Variants in AJAP1 observed in about 807,000 individuals in gnomAD.
The protein encoded by AJAP1 is adherens junction-associated protein 1.
AJAP1 carries 5 observed loss-of-function variants against 35.0 expected under a neutral mutation model. That is an observed-to-expected ratio of 0.14 (90% confidence interval 0.07 to 0.30). The LOEUF (loss-of-function observed/expected upper bound fraction) is 0.30. AJAP1 is among the 10% of genes least tolerant of loss of function. The pLI, the probability that AJAP1 is intolerant of heterozygous loss-of-function variation, is 1.00. For missense variants in AJAP1, 586 were observed against 571.0 expected, an observed-to-expected ratio of 1.03 and a Z score of -0.27; for synonymous variants, 284 against 249.3, an observed-to-expected ratio of 1.14 and a Z score of -1.31.
intron 1 of AJAP1, among the ~76,000 whole-genome samples, chr1:4,702,182 C>T (rs534070570): frequency 8.9e-4 from 136 of 151,976 alleles, no homozygotes; most frequent in Non-Finnish European, 1.5e-3. Flanking sequence ...AATATTCCAG[C>T]GTGTCCCCAG....
At chr1:4,707,992 G>T (rs188553929) in intron 1 of AJAP1, among the ~76,000 whole-genome samples, 2 of 138,506 alleles carry the variant, frequency 1.4e-5, no homozygotes, top group African/African-American at 2.7e-5. Context: ...TTTTTGAGAC[G>T]CAGTCTCACT....
At position 4,712,439 on chromosome 1, in the gene AJAP1, A is replaced by T. The variant is rs1296095699; in HGVS notation, c.569A>T (p.Glu190Val). The change falls in exon 2 of 6, where the codon GAG becomes GTG. Residue 190 changes from glutamate to valine, a missense_variant. Transcript: ENST00000378191. Reference sequence around the variant, plus strand: ...GCCTGGGGGCCCACGGGGGACGAGGAGGCCCTGGAGTCCAACACATTTCCG... The same window carrying T: ...GCCTGGGGGCCCACGGGGGACGAGGTGGCCCTGGAGTCCAACACATTTCCG... Reference protein sequence around the residue: ...FIAWGPTGDEEALESNTFPGV... With the variant: ...FIAWGPTGDEVALESNTFPGV... The T allele has an allele frequency of 6.2e-7, 1 of 1,606,880 alleles. No homozygotes were observed. Among genetic ancestry groups the T allele is most frequent in the Non-Finnish European group, 8.5e-7 (1 of 1,176,884 alleles).
intron 2 of AJAP1, among the ~76,000 whole-genome samples, chr1:4,752,279 A>C (rs1390199090): frequency 6.6e-6 from 1 of 151,866 alleles, no homozygotes; most frequent in African/African-American, 2.4e-5. Flanking sequence ...GGAAAGAAAC[A>C]GTTGTTTGTG....
At chr1:4,725,253 G>A (rs904601038) in intron 2 of AJAP1, among the ~76,000 whole-genome samples, 1 of 152,194 alleles carries the variant, frequency 6.6e-6, no homozygotes, top group Non-Finnish European at 1.5e-5. Context: ...CCCTGGAATA[G>A]GCAGATGTGC....
chr1:4,679,807 G>A (rs953516588), intron 1 of AJAP1, among the ~76,000 whole-genome samples: 10 of 114,360 alleles, frequency 8.7e-5, no homozygotes, highest in Non-Finnish European at 1.6e-4. Context: ...AGAACCAATA[G>A]GGTGTGTGTG....
At chr1:4,735,773 T>C (rs568380501) in intron 2 of AJAP1, among the ~76,000 whole-genome samples, 52 of 152,288 alleles carry the variant, frequency 3.4e-4, no homozygotes, top group Non-Finnish European at 7.1e-4. Flanking sequence ...TGCCGCCTCC[T>C]CCGGGGTCCC....
intron 5 of AJAP1, among the ~76,000 whole-genome samples, chr1:4,779,583 C>T (rs1026641634): frequency 2.0e-5 from 3 of 152,024 alleles, no homozygotes; most frequent in Non-Finnish European, 2.9e-5. Context: ...GGAAAGCAGC[C>T]GGGGCCACAG....
At chr1:4,703,199 G>T (rs116923180) in intron 1 of AJAP1, among the ~76,000 whole-genome samples, 5 of 152,236 alleles carry the variant, frequency 3.3e-5, no homozygotes, top group African/African-American at 1.2e-4. Flanking sequence ...TGGGAATGCC[G>T]CGAAAGTGAT....
intron 1 of AJAP1, among the ~76,000 whole-genome samples, chr1:4,678,115 A>G (rs964774000): frequency 5.3e-5 from 8 of 152,168 alleles, no homozygotes; most frequent in African/African-American, 1.7e-4. Flanking sequence ...AGTGCTAGGG[A>G]CTGTGTTGAA....
intron 1 of AJAP1, among the ~76,000 whole-genome samples, chr1:4,664,074 A>G (rs77390929): frequency 0.1 from 15,471 of 152,054 alleles, 1,043 homozygotes; most frequent in South Asian, 0.22. Flanking sequence ...CTACATTGCT[A>G]TGGTAGGAGC....
chr1:4,729,766 G>T (rs986385753), intron 2 of AJAP1, among the ~76,000 whole-genome samples: 1 of 152,218 alleles, frequency 6.6e-6, no homozygotes, highest in Non-Finnish European at 1.5e-5. Flanking sequence ...GGTAGTGGAG[G>T]TTAGGACTTC....
rs116917100 is a variant in AJAP1, at chr1:4,788,299, G to C, written c.*5814G>C. ...GTGTGGTTTTGTGTGTCTAGGTTTA[G>C]AGCTTGTATTTGGATGTAAGGAGTG... is the stretch of plus-strand genomic sequence containing the variant. On this transcript the variant is annotated 3_prime_UTR_variant, in exon 6 of 6. Coordinates refer to ENST00000378191, the MANE Select transcript of AJAP1 (RefSeq NM_018836.4). The C allele has an allele frequency of 4.5e-3, 688 of 153,888 alleles. 55 individuals are homozygous for C. The South Asian group carries it at 0.13, about 28-fold the overall frequency. 9.5% of individuals were successfully genotyped at this position (153,888 alleles called of 1,614,324 possible). A position where few individuals can be genotyped will look rare whatever the true frequency, so the allele number is the denominator to read the frequency against.
At chr1:4,682,646 C>T (rs951723493) in intron 1 of AJAP1, among the ~76,000 whole-genome samples, 3 of 151,938 alleles carry the variant, frequency 2.0e-5, no homozygotes, top group Admixed American at 6.6e-5. Flanking sequence ...CTGAGCCCTT[C>T]GTAGGGTTTC....
chr1:4,744,581 A>C (rs1380742657), intron 2 of AJAP1, among the ~76,000 whole-genome samples: 1 of 151,612 alleles, frequency 6.6e-6, no homozygotes, highest in African/African-American at 2.4e-5. Context: ...TGCACACAAC[A>C]TGAAGGGGCA....
At chr1:4,689,708 C>CACGAGCT in intron 1 of AJAP1, among the ~76,000 whole-genome samples, 1 of 152,328 alleles carries the variant, frequency 6.6e-6, no homozygotes, top group East Asian at 1.9e-4. Flanking sequence ...TCATGAGCAT[C>CACGAGCT]CGGCATGAGC....
chr1:4,763,647 C>T (rs1217597439), intron 2 of AJAP1, among the ~76,000 whole-genome samples: 2 of 152,084 alleles, frequency 1.3e-5, no homozygotes, highest in African/African-American at 4.8e-5. Flanking sequence ...GGGCAGTATC[C>T]AATCTGTTGA....
intron 3 of AJAP1, 32 bp from the exon 4 acceptor site, chr1:4,772,248 C>A: frequency 1.9e-6 from 3 of 1,611,002 alleles, no homozygotes; most frequent in South Asian, 2.2e-5. Flanking sequence ...GGCCTCTGCC[C>A]GTCCCCCTAC....
chr1:4,701,198 G>A (rs545393046), intron 1 of AJAP1, among the ~76,000 whole-genome samples: 2 of 152,344 alleles, frequency 1.3e-5, no homozygotes, highest in Non-Finnish European at 2.9e-5. Context: ...AAAGGGGATG[G>A]GAGTGGAGGA....
At chr1:4,708,842 G>A (rs1297994020) in intron 1 of AJAP1, among the ~76,000 whole-genome samples, 2 of 152,240 alleles carry the variant, frequency 1.3e-5, no homozygotes, top group Non-Finnish European at 2.9e-5. Context: ...TTGGCTGCTG[G>A]GAGTGGGCTG....
Sources: allele counts gnomAD v4.1 joint callset (sites outside exome capture counted in the v4.1 genomes callset), GRCh38; gene constraint gnomAD v4.1.1; transcripts MANE v1.5; gene names NCBI Gene and HGNC (gene_info 2026-07-23, HGNC 2026-07-21).